Variants in CENPP observed in about 807,000 individuals in gnomAD.
CENPP encodes centromere protein P.
Under a neutral mutation model 35.6 loss-of-function variants are expected in CENPP, and 24 were observed. The observed-to-expected ratio is 0.67, with a 90% CI of 0.49 to 0.95. CENPP has a LOEUF of 0.95. CENPP is among the 40% of genes least tolerant of loss of function. The probability of loss-of-function intolerance (pLI) is 0.00; values close to 1 mark genes in which losing one functional copy is unlikely to be tolerated. For synonymous variants in CENPP, 120 were observed against 125.5 expected (o/e 0.96, Z 0.29); for missense variants, 332 against 345.3 (o/e 0.96, Z 0.31).
At chr9:92,350,117 G>A (rs181054517) in intron 4 of CENPP, among the ~76,000 whole-genome samples, 182 of 152,260 alleles carry the variant, frequency 1.2e-3, no homozygotes, top group African/African-American at 4.0e-3. Context: ...TTTATTGTTA[G>A]AATAAAATTT....
In CENPP at chr9:92,358,536, G is replaced by A. The variant is rs1470381944; in HGVS notation, c.467+12749G>A. Among the ~76,000 whole-genome samples the A allele has an allele frequency of 3.3e-5, 5 of 151,984 alleles. No homozygotes were observed. In the East Asian group the frequency reaches 5.8e-4, roughly 18 times the overall value. On this transcript the variant is annotated intron_variant, in intron 4 of 7. Transcript: ENST00000375587. ...TAGGATTACAGGCATGAGCCACCAC[G>A]CTCAGCTAGTTTCCTTACATTCTGT... is the stretch of plus-strand genomic sequence containing the variant.
At position 92,567,641 on chromosome 9, in the gene CENPP, T is replaced by A. The variant is rs1850028112; in HGVS notation, c.565-43673T>A. Among the ~76,000 whole-genome samples the A allele has an allele frequency of 2.6e-5, 4 of 152,022 alleles. No homozygotes were observed. In the South Asian group the frequency reaches 8.3e-4, roughly 31 times the overall value. The stretch of plus-strand genomic sequence containing the variant: ...TTCAAACACTGCTTTCTACATAATT[T>A]AAGAAACTAATGTATTTCAAAGAAT... On this transcript the variant is annotated intron_variant, in intron 5 of 7. Coordinates refer to ENST00000375587, the MANE Select transcript of CENPP (RefSeq NM_001012267.3).
At chr9:92,424,513 T>C (rs1843907163) in intron 5 of CENPP, 1 of 152,212 alleles carries the variant, frequency 6.6e-6, no homozygotes. Context: ...GTTTGAGGTG[T>C]GGCAAGAATT....
At chr9:92,468,428 C>T (rs1456610623) in intron 5 of CENPP, among the ~76,000 whole-genome samples, 3 of 152,084 alleles carry the variant, frequency 2.0e-5, no homozygotes, top group Non-Finnish European at 4.4e-5. Context: ...AGAGCATAGC[C>T]ATTCAGTAGT....
intron 5 of CENPP, among the ~76,000 whole-genome samples, chr9:92,396,627 G>T (rs1842903087): frequency 6.6e-6 from 1 of 150,958 alleles, no homozygotes; most frequent in South Asian, 2.1e-4. Context: ...ACAGTCGCAT[G>T]ATCATGGTTC....
intron 5 of CENPP, chr9:92,403,688 T>C (rs1261185271): frequency 1.0e-6 from 1 of 1,003,670 alleles, no homozygotes; most frequent in African/African-American, 1.7e-5. Context: ...CAAGAAAGAT[T>C]GATAATTTTA....
At chr9:92,580,312 C>G (rs1457364032) in intron 5 of CENPP, among the ~76,000 whole-genome samples, 4 of 152,156 alleles carry the variant, frequency 2.6e-5, no homozygotes, top group Non-Finnish European at 4.4e-5. Context: ...TGATGCTAGC[C>G]TCATAAAAAG....
intron 5 of CENPP, among the ~76,000 whole-genome samples, chr9:92,519,521 T>C (rs1164842216): frequency 6.6e-6 from 1 of 152,148 alleles, no homozygotes; most frequent in Non-Finnish European, 1.5e-5. Flanking sequence ...TTATGAACAA[T>C]TGATTTTCAA....
intron 5 of CENPP, among the ~76,000 whole-genome samples, chr9:92,530,991 A>G (rs754497225): frequency 6.6e-6 from 1 of 152,022 alleles, no homozygotes; most frequent in Non-Finnish European, 1.5e-5. Flanking sequence ...ATGTCTGCAA[A>G]ATATATGTTT....
chr9:92,603,422 C>T (rs1314652067), intron 5 of CENPP, among the ~76,000 whole-genome samples: 4 of 152,200 alleles, frequency 2.6e-5, no homozygotes, highest in Non-Finnish European at 4.4e-5. Flanking sequence ...ATTTCTAAAC[C>T]TTTCTGAAGT....
At chr9:92,570,066 T>G (rs1850094816) in intron 5 of CENPP, among the ~76,000 whole-genome samples, 1 of 152,218 alleles carries the variant, frequency 6.6e-6, no homozygotes, top group African/African-American at 2.4e-5. Flanking sequence ...TTGAATACCC[T>G]TTATTTCTTT....
At chr9:92,367,071 A>G (rs1841905095) in intron 4 of CENPP, among the ~76,000 whole-genome samples, 1 of 152,230 alleles carries the variant, frequency 6.6e-6, no homozygotes, top group South Asian at 2.1e-4. Flanking sequence ...AGAACAAGAA[A>G]TCATATCAGA....
chr9:92,532,015 G>GTTTTGTTT (rs1848797660), intron 5 of CENPP, among the ~76,000 whole-genome samples: 3 of 95,736 alleles, frequency 3.1e-5, no homozygotes, highest in African/African-American at 1.2e-4. Flanking sequence ...TTTATTTAAT[G>GTTTTGTTT]TTTTTTTTTT....
At chr9:92,522,882 A>G in intron 5 of CENPP, 5 of 1,579,942 alleles carry the variant, frequency 3.2e-6, no homozygotes, top group Non-Finnish European at 4.3e-6. Flanking sequence ...ATTTTTTTCC[A>G]CCAGCCAATT....
intron 5 of CENPP, chr9:92,401,256 C>A: frequency 1.4e-6 from 1 of 719,254 alleles, no homozygotes; most frequent in Non-Finnish European, 2.5e-6. Flanking sequence ...GAAGGGATCA[C>A]AGACACCTTC....
chr9:92,595,489 G>A (rs1335538342), intron 5 of CENPP, among the ~76,000 whole-genome samples: 1 of 151,790 alleles, frequency 6.6e-6, no homozygotes, highest in Non-Finnish European at 1.5e-5. Context: ...CAATCATCCG[G>A]CCTTACACTC....
At chr9:92,355,931 C>T (rs960064842) in intron 4 of CENPP, among the ~76,000 whole-genome samples, 5 of 152,172 alleles carry the variant, frequency 3.3e-5, no homozygotes, top group African/African-American at 1.2e-4. Flanking sequence ...TAGGAGTCTT[C>T]TGTGTATTAA....
At chr9:92,505,711 A>G (rs929539889) in intron 5 of CENPP, 2 of 1,531,950 alleles carry the variant, frequency 1.3e-6, no homozygotes, top group African/African-American at 1.4e-5. Flanking sequence ...TAAAAGTATT[A>G]GAATATTAGG....
intron 5 of CENPP, chr9:92,505,459 TA>T: frequency 2.3e-6 from 3 of 1,292,712 alleles, no homozygotes; most frequent in Admixed American, 4.9e-5. Context: ...ACAATAGTCT[TA>T]AAATATATTT....
Sources: allele counts gnomAD v4.1 joint callset (sites outside exome capture counted in the v4.1 genomes callset), GRCh38; gene constraint gnomAD v4.1.1; transcripts MANE v1.5; gene names NCBI Gene and HGNC (gene_info 2026-07-23, HGNC 2026-07-21).